Variants in OR56A3 observed in about 807,000 individuals in gnomAD.
OR56A3 encodes the protein olfactory receptor family 56 subfamily A member 3, also known as olfactory receptor 56A3.
A neutral mutation model predicts 17.5 loss-of-function variants in OR56A3; 23 were observed. That is an observed-to-expected ratio of 1.32 (90% confidence interval 0.95 to 1.87). OR56A3 has a LOEUF of 1.87. Ranked by LOEUF, OR56A3 falls within the 40% of genes most tolerant of loss-of-function variation. OR56A3 has a pLI of 0.00. For synonymous variants in OR56A3, 175 were observed against 150.6 expected (o/e 1.16, Z -1.19); for missense variants, 366 against 380.1 (o/e 0.96, Z 0.31).
At chr11:5,992,210 T>C in the OR56A3 span, among the ~76,000 whole-genome samples, 1 of 152,176 alleles carries the variant, frequency 6.6e-6, no homozygotes, top group Non-Finnish European at 1.5e-5. Context: ...ATGCTAGGAG[T>C]GTCGCCTGCT....
chr11:5,991,555 A>G, the OR56A3 span, among the ~76,000 whole-genome samples: 1 of 152,152 alleles, frequency 6.6e-6, no homozygotes, highest in Admixed American at 6.5e-5. Context: ...TAACTCAGAG[A>G]AATAAGCTTA....
the OR56A3 span, among the ~76,000 whole-genome samples, chr11:5,966,227 A>T: frequency 6.5e-3 from 972 of 150,008 alleles, 14 homozygotes; most frequent in African/African-American, 0.023. Flanking sequence ...AAAAAAAAAA[A>T]ACCGGGCATG....
chr11:6,005,954 G>C, the OR56A3 span, among the ~76,000 whole-genome samples: 1 of 152,324 alleles, frequency 6.6e-6, no homozygotes, highest in East Asian at 1.9e-4. Flanking sequence ...AAGGCGAATC[G>C]TGGAAGGTAG....
chr11:5,991,585 G>C, the OR56A3 span, among the ~76,000 whole-genome samples: 2 of 152,166 alleles, frequency 1.3e-5, no homozygotes, highest in African/African-American at 2.4e-5. Flanking sequence ...AGAAGTGTCA[G>C]ACCAGAGGTA....
At chr11:6,013,392 G>A in the OR56A3 span, among the ~76,000 whole-genome samples, 1 of 152,194 alleles carries the variant, frequency 6.6e-6, no homozygotes, top group Non-Finnish European at 1.5e-5. Context: ...GCAATTGTTG[G>A]GGGGATCCTC....
In OR56A3 at chr11:5,946,507, G is replaced by A. The variant is rs147727958; in HGVS notation, c.-36-804G>A. On this transcript the variant is annotated intron_variant, in intron 2 of 2. Transcript: ENST00000641160. ...ATGGAAAAGGAAACTGGAAGGAGACGGAAGGACTTTAAAGGTGAACTTCGT... is the reference window on the plus strand; with the variant it reads ...ATGGAAAAGGAAACTGGAAGGAGACAGAAGGACTTTAAAGGTGAACTTCGT... Among the ~76,000 whole-genome samples, 125 of 152,218 alleles carry A rather than the reference G, an allele frequency of 8.2e-4. 1 individual carries two copies. Among genetic ancestry groups the A allele is most frequent in the African/African-American group, 2.6e-3 (110 of 41,532 alleles).
the OR56A3 span, among the ~76,000 whole-genome samples, chr11:5,962,562 C>T: frequency 1.5e-5 from 2 of 137,246 alleles, no homozygotes; most frequent in Non-Finnish European, 3.1e-5. Flanking sequence ...GACGGAGTCT[C>T]TCTCTGTCGC....
the OR56A3 span, among the ~76,000 whole-genome samples, chr11:6,004,600 T>G: frequency 6.6e-6 from 1 of 152,136 alleles, no homozygotes; most frequent in South Asian, 2.1e-4. Flanking sequence ...TTTAAAAAAA[T>G]TTACCCATTG....
At chr11:5,983,586 A>G in the OR56A3 span, among the ~76,000 whole-genome samples, 1 of 152,120 alleles carries the variant, frequency 6.6e-6, no homozygotes. Flanking sequence ...CATACTGCCT[A>G]TTAGAACAAA....
At chr11:5,991,722 C>T in the OR56A3 span, among the ~76,000 whole-genome samples, 1 of 152,212 alleles carries the variant, frequency 6.6e-6, no homozygotes, top group South Asian at 2.1e-4. Flanking sequence ...TTTTCCACTG[C>T]TGAATTCCTG....
the OR56A3 span, among the ~76,000 whole-genome samples, chr11:5,982,623 G>A: frequency 1.3e-5 from 2 of 152,156 alleles, no homozygotes; most frequent in Non-Finnish European, 2.9e-5. Flanking sequence ...CAGTCAACAA[G>A]GTCAAAGCCA....
At chr11:5,987,609 A>C in the OR56A3 span, among the ~76,000 whole-genome samples, 1 of 152,096 alleles carries the variant, frequency 6.6e-6, no homozygotes, top group Non-Finnish European at 1.5e-5. Flanking sequence ...AATTTGTTCT[A>C]CTTATGTTTT....
At chr11:6,013,880 A>G in the OR56A3 span, among the ~76,000 whole-genome samples, 3 of 152,096 alleles carry the variant, frequency 2.0e-5, no homozygotes, top group Admixed American at 2.0e-4. Flanking sequence ...ACTCCCAGCA[A>G]CCTGTGCATG....
the OR56A3 span, among the ~76,000 whole-genome samples, chr11:5,999,106 G>T: frequency 3.3e-5 from 5 of 152,170 alleles, no homozygotes; most frequent in East Asian, 9.6e-4. Context: ...TCAACTAAAG[G>T]TCTTATGGGG....
chr11:5,956,953 C>T, the OR56A3 span, among the ~76,000 whole-genome samples: 5 of 152,082 alleles, frequency 3.3e-5, no homozygotes, highest in Admixed American at 1.3e-4. Context: ...GTCAGGAGTT[C>T]GAGACCAGCC....
At chr11:6,021,860 CTCCT>C in the OR56A3 span, 1 of 152,120 alleles carries the variant, frequency 6.6e-6, no homozygotes, top group South Asian at 2.1e-4. Context: ...GCAATATCTG[CTCCT>C]AAAGCATTCT....
the OR56A3 span, among the ~76,000 whole-genome samples, chr11:5,992,585 T>A: frequency 6.6e-6 from 1 of 152,144 alleles, no homozygotes; most frequent in Non-Finnish European, 1.5e-5. Context: ...CTCAGGTGAG[T>A]TGAGCATTTT....
the OR56A3 span, among the ~76,000 whole-genome samples, chr11:6,003,393 A>C: frequency 0.01 from 1,557 of 152,320 alleles, 22 homozygotes; most frequent in African/African-American, 0.035. Flanking sequence ...ACACTTTACT[A>C]ATATTTACTT....
the OR56A3 span, among the ~76,000 whole-genome samples, chr11:5,975,141 T>C: frequency 3.7e-3 from 569 of 152,330 alleles, no homozygotes; most frequent in Non-Finnish European, 6.5e-3. Flanking sequence ...GGAGATAAAA[T>C]ACAAAGTCTG....
Sources: gnomAD v4.1 joint callset for allele counts (sites outside exome capture counted in the v4.1 genomes callset) on GRCh38, gnomAD v4.1.1 for gene constraint, MANE v1.5 for transcripts, NCBI Gene and HGNC (gene_info 2026-07-23, HGNC 2026-07-21) for gene names.